Variants in GABBR2 observed in about 807,000 individuals in gnomAD.
The protein encoded by GABBR2 is gamma-aminobutyric acid type B receptor subunit 2.
Under a neutral mutation model 105.6 loss-of-function variants are expected in GABBR2, and 23 were observed. The observed-to-expected ratio is 0.22, with a 90% confidence interval of 0.16 to 0.31. The LOEUF (loss-of-function observed/expected upper bound fraction) is 0.31. Among genes scored for constraint, GABBR2 ranks in the 10% least tolerant of loss-of-function variants. GABBR2 has a pLI of 1.00. For synonymous variants in GABBR2, 478 were observed against 499.7 expected, an observed-to-expected ratio of 0.96 and a Z score of 0.58; for missense variants, 734 against 1,245.5, an observed-to-expected ratio of 0.59 and a Z score of 6.18.
chr9:98,406,457 C>T (rs150807906), intron 7 of GABBR2, among the ~76,000 whole-genome samples: 81 of 152,356 alleles, frequency 5.3e-4, no homozygotes, highest in African/African-American at 1.9e-3. Flanking sequence ...ATGGGGACGA[C>T]GTCTTCTGGG....
intron 2 of GABBR2, among the ~76,000 whole-genome samples, chr9:98,560,078 T>C (rs962649915): frequency 4.6e-5 from 7 of 151,828 alleles, no homozygotes; most frequent in African/African-American, 1.5e-4. Flanking sequence ...TCACATTATA[T>C]AAGGATGGCA....
intron 4 of GABBR2, among the ~76,000 whole-genome samples, chr9:98,491,574 T>C (rs952278241): frequency 9.9e-5 from 15 of 152,206 alleles, no homozygotes; most frequent in Non-Finnish European, 2.9e-5. Context: ...TTATGGTATA[T>C]TTACCACTGA....
chr9:98,339,987 A>C (rs1831181750), intron 13 of GABBR2, among the ~76,000 whole-genome samples: 1 of 152,022 alleles, frequency 6.6e-6, no homozygotes, highest in Non-Finnish European at 1.5e-5. Flanking sequence ...CTGGGCAATG[A>C]GATATGGGTA....
Position 98,334,139 on chromosome 9 carries a change from T to C in GABBR2, c.1894-22934A>G, listed in dbSNP as rs551913948. 2.2e-4 allele frequency among the ~76,000 whole-genome samples: 33 copies of C among 152,282 alleles called. No individual in the cohort carries two copies. The South Asian group carries it at 6.2e-3, about 29-fold the overall frequency. ...TCTAGTACTAAGGATGAAGCGGGAC[T>C]GGAAGGTGAAGCTCTCAGATCTAAA... On this transcript the variant is annotated intron_variant, in intron 13 of 18. Coordinates refer to ENST00000259455, the MANE Select transcript of GABBR2 (RefSeq NM_005458.8).
intron 13 of GABBR2, among the ~76,000 whole-genome samples, chr9:98,320,127 A>G (rs1310186987): frequency 6.6e-6 from 1 of 151,990 alleles, no homozygotes; most frequent in Non-Finnish European, 1.5e-5. Context: ...AAACAAATTT[A>G]CAAGAAAAAA....
intron 7 of GABBR2, among the ~76,000 whole-genome samples, chr9:98,433,970 G>T (rs916896461): frequency 1.3e-5 from 2 of 152,038 alleles, no homozygotes; most frequent in Admixed American, 6.5e-5. Flanking sequence ...ATGAAGTATT[G>T]TTCCTGGGTG....
intron 13 of GABBR2, among the ~76,000 whole-genome samples, chr9:98,352,373 G>T (rs975537779): frequency 6.6e-6 from 1 of 152,226 alleles, no homozygotes; most frequent in Non-Finnish European, 1.5e-5. Flanking sequence ...TGGCAGAAGA[G>T]GTGGCTGGTC....
intron 13 of GABBR2, among the ~76,000 whole-genome samples, chr9:98,341,244 G>A (rs1831208551): frequency 6.6e-6 from 1 of 152,214 alleles, no homozygotes; most frequent in African/African-American, 2.4e-5. Context: ...CATACACTGG[G>A]CCCAGACACA....
chr9:98,358,212 C>T (rs924888634), intron 13 of GABBR2, among the ~76,000 whole-genome samples: 3 of 152,178 alleles, frequency 2.0e-5, no homozygotes, highest in Non-Finnish European at 4.4e-5. Flanking sequence ...TGAGACTTCC[C>T]CTAGGGATGT....
chr9:98,657,735 G>A (rs192751533), intron 1 of GABBR2, among the ~76,000 whole-genome samples: 1 of 152,384 alleles, frequency 6.6e-6, no homozygotes, highest in Admixed American at 6.5e-5. Flanking sequence ...GGGACCAGGT[G>A]GAGGTAACTG....
intron 13 of GABBR2, among the ~76,000 whole-genome samples, chr9:98,344,522 G>A (rs1718775765): frequency 1.3e-5 from 2 of 152,136 alleles, no homozygotes; most frequent in African/African-American, 4.8e-5. Context: ...GTCAGTCCTT[G>A]CCTCAGTCTG....
intron 8 of GABBR2, among the ~76,000 whole-genome samples, chr9:98,397,801 C>T (rs1220067376): frequency 1.3e-5 from 2 of 152,176 alleles, no homozygotes; most frequent in African/African-American, 4.8e-5. Flanking sequence ...TGCATGACAG[C>T]TCTTCACGTA....
At chr9:98,569,197 G>T (rs1358314819) in intron 2 of GABBR2, among the ~76,000 whole-genome samples, 1 of 152,108 alleles carries the variant, frequency 6.6e-6, no homozygotes, top group Non-Finnish European at 1.5e-5. Flanking sequence ...ACTTCCAAAT[G>T]GTTTCCAATC....
At chr9:98,604,209 A>G (rs1209876668) in intron 1 of GABBR2, among the ~76,000 whole-genome samples, 1 of 152,212 alleles carries the variant, frequency 6.6e-6, no homozygotes, top group Non-Finnish European at 1.5e-5. Flanking sequence ...TGATCCGGGT[A>G]CACACTAAAG....
At chr9:98,538,590 C>G (rs545267965) in intron 3 of GABBR2, 3 of 984,564 alleles carry the variant, frequency 3.0e-6, no homozygotes, top group African/African-American at 3.5e-5. Flanking sequence ...CAGCTGGTCC[C>G]CAGGTGGGAT....
At chr9:98,478,476 G>C (rs1826841010) in intron 5 of GABBR2, among the ~76,000 whole-genome samples, 2 of 152,170 alleles carry the variant, frequency 1.3e-5, no homozygotes, top group African/African-American at 4.8e-5. Flanking sequence ...CCAGCCCAAA[G>C]CCTCTGAGAA....
chr9:98,412,786 C>T (rs928519648), intron 7 of GABBR2, among the ~76,000 whole-genome samples: 2 of 152,172 alleles, frequency 1.3e-5, no homozygotes, highest in Non-Finnish European at 2.9e-5. Flanking sequence ...GTAGGTCATG[C>T]GACCCCCATT....
At chr9:98,404,141 T>A (rs1832448278) in intron 8 of GABBR2, among the ~76,000 whole-genome samples, 2 of 151,612 alleles carry the variant, frequency 1.3e-5, no homozygotes, top group African/African-American at 4.9e-5. Flanking sequence ...AATACTTTCT[T>A]AGAATGATAT....
chr9:98,291,595 G>A (rs1360667658), intron 18 of GABBR2, among the ~76,000 whole-genome samples: 2 of 152,028 alleles, frequency 1.3e-5, no homozygotes, highest in African/African-American at 2.4e-5. Context: ...CCAAGGAAGG[G>A]AAAAAAAGGG....
Sources: allele counts gnomAD v4.1 joint callset (sites outside exome capture counted in the v4.1 genomes callset), GRCh38; gene constraint gnomAD v4.1.1; transcripts MANE v1.5; gene names NCBI Gene and HGNC (gene_info 2026-07-23, HGNC 2026-07-21).